Variants in CEP128 observed in about 807,000 individuals in gnomAD.
CEP128 encodes the protein centrosomal protein 128, also known as centrosomal protein 128kDa.
A neutral mutation model predicts 156.7 loss-of-function variants in CEP128; 132 were observed. The observed-to-expected ratio is 0.84, with a 90% CI of 0.73 to 0.97. The LOEUF (loss-of-function observed/expected upper bound fraction) is 0.97, where lower values mean the gene tolerates loss of function less well. Among genes scored for constraint, CEP128 ranks in the 50% least tolerant of loss-of-function variants. CEP128 has a pLI of 0.00. For missense variants in CEP128, 1,252 were observed against 1,281.9 expected (o/e 0.98, Z 0.36); for synonymous variants, 469 against 448.9 (o/e 1.04, Z -0.57).
intron 19 of CEP128, among the ~76,000 whole-genome samples, chr14:80,709,472 A>G (rs1446468889): frequency 6.6e-6 from 1 of 152,142 alleles, no homozygotes; most frequent in Non-Finnish European, 1.5e-5. Flanking sequence ...TGGTAGCATT[A>G]ACCTTTTCAC....
chr14:80,641,984 G>A (rs1325258475), intron 19 of CEP128, among the ~76,000 whole-genome samples: 3 of 150,818 alleles, frequency 2.0e-5, no homozygotes, highest in Admixed American at 6.6e-5. Flanking sequence ...CAGCTACTCC[G>A]GAGGCTGAGG....
At chr14:80,523,680 T>C (rs1888852227) in intron 23 of CEP128, among the ~76,000 whole-genome samples, 1 of 152,224 alleles carries the variant, frequency 6.6e-6, no homozygotes, top group African/African-American at 2.4e-5. Context: ...ACCTAGAAAG[T>C]TCCTGGCACA....
At chr14:80,503,380 T>A (rs1369404651) in intron 24 of CEP128, among the ~76,000 whole-genome samples, 1 of 152,176 alleles carries the variant, frequency 6.6e-6, no homozygotes, top group African/African-American at 2.4e-5. Context: ...GAAATGCTAG[T>A]GTTGAAACCT....
At chr14:80,847,873 C>T (rs1886688710) in intron 9 of CEP128, among the ~76,000 whole-genome samples, 1 of 152,102 alleles carries the variant, frequency 6.6e-6, no homozygotes, top group African/African-American at 2.4e-5. Flanking sequence ...CAGCGCAGTA[C>T]CTGAATTATA....
At chr14:80,845,519 C>T (rs1886555591) in intron 9 of CEP128, among the ~76,000 whole-genome samples, 2 of 152,100 alleles carry the variant, frequency 1.3e-5, no homozygotes, top group African/African-American at 4.8e-5. Flanking sequence ...CTTCATTTGA[C>T]TTTCTAAATG....
chr14:80,510,418 C>T (rs956579056), intron 23 of CEP128, among the ~76,000 whole-genome samples: 6 of 151,920 alleles, frequency 3.9e-5, no homozygotes, highest in Non-Finnish European at 5.9e-5. Context: ...TTTTTCACAT[C>T]GTCCACTGTT....
intron 12 of CEP128, among the ~76,000 whole-genome samples, chr14:80,833,366 T>TGG: frequency 6.6e-6 from 1 of 151,804 alleles, no homozygotes; most frequent in Admixed American, 6.6e-5. Context: ...TTGGTATGTT[T>TGG]ACATATATAT....
rs114227918 is a variant in CEP128, at chr14:80,676,318, T to G, written c.2806+66757A>C. ...TGGTACTTTATCATGTTTTCCTTTC[T>G]GAAGATGGAATCTTTAAACTTACGT... On this transcript the variant is annotated intron_variant, in intron 19 of 24. Coordinates refer to ENST00000555265, the MANE Select transcript of CEP128 (RefSeq NM_152446.5). Among the ~76,000 whole-genome samples the G allele has an allele frequency of 8.7e-3, 1,327 of 152,242 alleles. 17 individuals are homozygous for G. The highest frequency in any genetic ancestry group is 0.031 in the African/African-American group (1,278 of 41,570).
rs544596143 is a variant in CEP128 at position 80,866,563 on chromosome 14, C to T, written c.646-3690G>A. On this transcript the variant is annotated intron_variant, in intron 8 of 24. Transcript: ENST00000555265. ...AGGCCAGCTCCCAAAAAGATACCAG[C>T]AGCAAAGCTCATTAATGAGCCCTGC... Among the ~76,000 whole-genome samples the T allele has an allele frequency of 3.5e-4, 53 of 152,286 alleles. 1 individual carries two copies. The South Asian group carries it at 9.7e-3, about 28-fold the overall frequency.
At chr14:80,479,473 C>A (rs1231336081) in intron 14 of CEP128, among the ~76,000 whole-genome samples, 1 of 152,042 alleles carries the variant, frequency 6.6e-6, no homozygotes, top group Non-Finnish European at 1.5e-5. Context: ...TAAGAAGAAG[C>A]AAAAGCGGAA....
intron 8 of CEP128, among the ~76,000 whole-genome samples, chr14:80,887,771 C>G (rs1173862510): frequency 6.6e-6 from 1 of 152,034 alleles, no homozygotes; most frequent in African/African-American, 2.4e-5. Flanking sequence ...CAAGAAATAA[C>G]TAAGATCAGA....
At chr14:80,610,177 A>T (rs1300998005) in intron 19 of CEP128, among the ~76,000 whole-genome samples, 1 of 152,130 alleles carries the variant, frequency 6.6e-6, no homozygotes, top group Non-Finnish European at 1.5e-5. Context: ...TTTCCAAATA[A>T]ATGTCTATTG....
chr14:80,515,752 A>AG (rs1342952412), intron 23 of CEP128, among the ~76,000 whole-genome samples: 1 of 152,062 alleles, frequency 6.6e-6, no homozygotes, highest in Admixed American at 6.5e-5. Context: ...CCTTTCCTCA[A>AG]GCAGGAAAAG....
Position 80,859,335 on chromosome 14 carries a change from GGAATTGAACAATGAGA to G in CEP128, c.762+3406_762+3421del, listed in dbSNP as rs1178021856. Among the ~76,000 whole-genome samples, 3 of 145,246 alleles carry G rather than the reference GGAATTGAACAATGAGA, an allele frequency of 2.1e-5. No homozygotes were observed. The East Asian group carries it at 6.2e-4, about 30-fold the overall frequency. ...CACCACATATTCTCACTCATAGGTG[GGAATTGAACAATGAGA>G]ACACATGGACACAGGAAGGGGAACA... is the stretch of plus-strand genomic sequence containing the variant. On this transcript the variant is annotated intron_variant, in intron 9 of 24. Transcript: ENST00000555265.
intron 8 of CEP128, among the ~76,000 whole-genome samples, chr14:80,872,027 T>C (rs1888053483): frequency 6.6e-6 from 1 of 152,194 alleles, no homozygotes; most frequent in African/African-American, 2.4e-5. Context: ...TTATTCTAAA[T>C]GCAGTATTGA....
In CEP128 at chr14:80,785,558, G is replaced by A. The variant is rs1901362811; in HGVS notation, c.1561-13C>T. On this transcript the variant is annotated splice_polypyrimidine_tract_variant and intron_variant, in intron 14 of 24. Coordinates refer to ENST00000555265, the MANE Select transcript of CEP128 (RefSeq NM_152446.5). ...TTTCTTTTAAAATCTATCAGGTTAAGAACATGAAGCAAAAGAAAAAAATAA... is the reference window on the plus strand; with the variant it reads ...TTTCTTTTAAAATCTATCAGGTTAAAAACATGAAGCAAAAGAAAAAAATAA... 3 of 1,560,954 alleles carry A rather than the reference G, an allele frequency of 1.9e-6. No homozygotes were observed. The Admixed American group carries it at 6.0e-5, about 31-fold the overall frequency.
At chr14:80,677,874 T>C (rs1187184792) in intron 19 of CEP128, among the ~76,000 whole-genome samples, 1 of 151,964 alleles carries the variant, frequency 6.6e-6, no homozygotes, top group African/African-American at 2.4e-5. Context: ...AGTATGAATG[T>C]TGAAAAACAT....
chr14:80,567,905 TCAGAAAC>T (rs1890983238), intron 20 of CEP128, among the ~76,000 whole-genome samples: 1 of 150,596 alleles, frequency 6.6e-6, no homozygotes, highest in Non-Finnish European at 1.5e-5. Context: ...GGCCAACAAC[TCAGAAAC>T]CAGCACACCA....
chr14:80,551,121 T>C (rs983352638), intron 21 of CEP128, among the ~76,000 whole-genome samples: 21 of 152,312 alleles, frequency 1.4e-4, no homozygotes, highest in African/African-American at 4.8e-4. Flanking sequence ...TTAATTTTAA[T>C]AATCTATCAG....
Sources: allele counts gnomAD v4.1 joint callset (sites outside exome capture counted in the v4.1 genomes callset), GRCh38; gene constraint gnomAD v4.1.1; transcripts MANE v1.5; gene names NCBI Gene and HGNC (gene_info 2026-07-23, HGNC 2026-07-21).